Variants in TRIM24 observed in about 807,000 individuals in gnomAD.
The protein encoded by TRIM24 is tripartite motif containing 24.
In TRIM24, 29 loss-of-function variants were observed where a neutral mutation model predicts 123.9. The observed-to-expected ratio is 0.23, with a 90% CI of 0.17 to 0.32. TRIM24 has a LOEUF of 0.32. Among genes scored for constraint, TRIM24 ranks in the 10% least tolerant of loss-of-function variants. The pLI, the probability that TRIM24 is intolerant of heterozygous loss-of-function variation, is 1.00. For missense variants in TRIM24, 932 were observed against 1,295.3 expected (o/e 0.72, Z 4.31); for synonymous variants, 456 against 461.1 (o/e 0.99, Z 0.14).
At chr7:138,483,100 G>T (rs1166764218) in intron 1 of TRIM24, among the ~76,000 whole-genome samples, 1 of 150,588 alleles carries the variant, frequency 6.6e-6, no homozygotes, top group Non-Finnish European at 1.5e-5. Flanking sequence ...CCTCATTTTT[G>T]TAGCGGGGGG....
chr7:138,537,013 A>G (rs960016447), intron 6 of TRIM24, among the ~76,000 whole-genome samples: 5 of 152,150 alleles, frequency 3.3e-5, no homozygotes, highest in Non-Finnish European at 7.4e-5. Flanking sequence ...ACACTCCGAG[A>G]CAGACGTGGG....
chr7:138,550,353 T>C (rs1444666195), intron 7 of TRIM24, among the ~76,000 whole-genome samples: 1 of 148,654 alleles, frequency 6.7e-6, no homozygotes, highest in South Asian at 2.2e-4. Flanking sequence ...GTGCAAAGTC[T>C]TACAGGACCT....
At chr7:138,538,576 C>A in intron 6 of TRIM24, 81 bp from the exon 7 acceptor site, 1 of 1,415,834 alleles carries the variant, frequency 7.1e-7, no homozygotes, top group Non-Finnish European at 9.8e-7. Flanking sequence ...TGTAGTTATT[C>A]TAATTTGTTT....
intron 9 of TRIM24, among the ~76,000 whole-genome samples, chr7:138,562,992 C>A (rs1345810241): frequency 6.6e-6 from 1 of 152,198 alleles, no homozygotes; most frequent in Non-Finnish European, 1.5e-5. Flanking sequence ...CTATAACGAA[C>A]CTCCTTGGCC....
At chr7:138,559,806 C>T (rs1316141324) in intron 9 of TRIM24, among the ~76,000 whole-genome samples, 2 of 152,212 alleles carry the variant, frequency 1.3e-5, no homozygotes, top group Non-Finnish European at 2.9e-5. Flanking sequence ...GACAAGATTA[C>T]AGTATGGGGC....
At chr7:138,529,614 T>G (rs1563048217) in intron 6 of TRIM24, among the ~76,000 whole-genome samples, 1 of 152,324 alleles carries the variant, frequency 6.6e-6, no homozygotes, top group East Asian at 1.9e-4. Context: ...AATATATATA[T>G]TTAACCCTGT....
At chr7:138,548,748 A>G (rs1423103269) in intron 7 of TRIM24, among the ~76,000 whole-genome samples, 4 of 152,164 alleles carry the variant, frequency 2.6e-5, no homozygotes, top group African/African-American at 9.7e-5. Context: ...ACATTGTACA[A>G]ATTCTTCCTT....
At chr7:138,549,756 AT>A (rs959764110) in intron 7 of TRIM24, among the ~76,000 whole-genome samples, 1 of 152,196 alleles carries the variant, frequency 6.6e-6, no homozygotes, top group Non-Finnish European at 1.5e-5. Context: ...AACAAAGCAT[AT>A]TTATATGTTG....
chr7:138,585,939 T>C lies in TRIM24; in HGVS notation c.*988T>C, dbSNP rs1798008624. The C allele has an allele frequency of 1.9e-6, 1 of 515,748 alleles. No homozygotes were observed. Among genetic ancestry groups the C allele is most frequent in the Non-Finnish European group, 3.9e-6 (1 of 257,516 alleles). The allele number at this position is 515,748 out of a possible 1,614,324, so 31.9% of individuals were successfully genotyped here. ...TTTTGTGGTTTTCATCTGTCTATAA[T>C]TTGGAATGAAAATGTGTTGTAGGAT... On this transcript the variant is annotated 3_prime_UTR_variant, in exon 19 of 19. Coordinates refer to ENST00000343526, the MANE Select transcript of TRIM24 (RefSeq NM_015905.3).
chr7:138,471,688 G>A (rs561388732), intron 1 of TRIM24, among the ~76,000 whole-genome samples: 28 of 152,014 alleles, frequency 1.8e-4, no homozygotes, highest in East Asian at 1.7e-3. Flanking sequence ...TTACAGGTGC[G>A]CGCCACCACA....
At chr7:138,542,448 T>C (rs936939847) in intron 7 of TRIM24, among the ~76,000 whole-genome samples, 8 of 152,198 alleles carry the variant, frequency 5.3e-5, no homozygotes, top group African/African-American at 1.9e-4. Context: ...GGGTGTGGTT[T>C]GTGGTGTCCC....
chr7:138,553,120 C>T (rs557310395), intron 8 of TRIM24, among the ~76,000 whole-genome samples: 7 of 152,070 alleles, frequency 4.6e-5, no homozygotes, highest in Non-Finnish European at 7.4e-5. Context: ...TTTGTGAAAC[C>T]GACATAATGA....
At chr7:138,526,757 A>G (rs1584719380) in intron 5 of TRIM24, among the ~76,000 whole-genome samples, 2 of 151,994 alleles carry the variant, frequency 1.3e-5, no homozygotes, top group East Asian at 3.9e-4. Flanking sequence ...ATGAAATACT[A>G]TTTTCTTTAT....
intron 1 of TRIM24, among the ~76,000 whole-genome samples, chr7:138,503,455 T>C (rs186382279): frequency 6.6e-6 from 1 of 152,120 alleles, no homozygotes; most frequent in East Asian, 1.9e-4. Flanking sequence ...GTTGCTATTG[T>C]AAAAAAATTT....
chr7:138,579,400 C>G lies in TRIM24; in HGVS notation c.2453C>G (p.Thr818Arg). The change falls in exon 15 of 19, where the codon ACA (threonine) becomes AGA (arginine). Residue 818 changes from threonine (T) to arginine (R), a missense_variant. Transcript: ENST00000343526. ...SQKSPLHVGE[T>R]RKEDDPNEDW... ...AAGTCACCTCTTCATGTTGGAGAGA[C>G]AAGGAAAGAGGATGACCCCAATGAG... 1 of 1,614,078 alleles carries G rather than the reference C, an allele frequency of 6.2e-7. No homozygotes were observed. Among genetic ancestry groups the G allele is most frequent in the Non-Finnish European group, 8.5e-7 (1 of 1,180,010 alleles).
intron 9 of TRIM24, among the ~76,000 whole-genome samples, 183 bp from the exon 10 acceptor site, chr7:138,567,298 G>A (rs1584742487): frequency 6.6e-6 from 1 of 152,084 alleles, no homozygotes; most frequent in East Asian, 1.9e-4. Context: ...TTTTAAAAAA[G>A]TTGTTTACAC....
chr7:138,563,606 A>C (rs562537969), intron 9 of TRIM24, among the ~76,000 whole-genome samples: 1 of 152,278 alleles, frequency 6.6e-6, no homozygotes, highest in African/African-American at 2.4e-5. Flanking sequence ...CATGCCTGCG[A>C]AATTTTTTAG....
intron 7 of TRIM24, among the ~76,000 whole-genome samples, chr7:138,539,155 A>G (rs1378093580): frequency 6.6e-6 from 1 of 152,100 alleles, no homozygotes; most frequent in African/African-American, 2.4e-5. Context: ...CCTCATTCTT[A>G]TGAGATATAC....
intron 17 of TRIM24, 100 bp downstream of exon 17, chr7:138,581,871 A>G (rs1797901826): frequency 2.2e-6 from 2 of 924,792 alleles, no homozygotes; most frequent in East Asian, 5.0e-5. Context: ...GTACTTTTTA[A>G]TATCTAAACC....
Sources: gnomAD v4.1 joint callset for allele counts (sites outside exome capture counted in the v4.1 genomes callset) on GRCh38, gnomAD v4.1.1 for gene constraint, MANE v1.5 for transcripts, NCBI Gene and HGNC (gene_info 2026-07-23, HGNC 2026-07-21) for gene names.